The following LUZP2 variants were observed in gnomAD, a reference collection of about 807,000 sequenced individuals.
LUZP2 encodes the protein leucine zipper protein 2.
In LUZP2, 52 loss-of-function variants were observed where a neutral mutation model predicts 51.6. The ratio of observed to expected loss-of-function variants is 1.01; its 90% CI spans 0.81 to 1.27. The LOEUF (loss-of-function observed/expected upper bound fraction) is 1.27, where lower values mean the gene tolerates loss of function less well. Ranked by LOEUF, LUZP2 falls within the 50% of genes most tolerant of loss-of-function variation. The probability of loss-of-function intolerance (pLI) is 0.00; values close to 1 mark genes in which losing one functional copy is unlikely to be tolerated. For synonymous variants in LUZP2, 154 were observed against 137.3 expected (o/e 1.12, Z -0.85); for missense variants, 436 against 395.4 (o/e 1.10, Z -0.87).
intron 5 of LUZP2, among the ~76,000 whole-genome samples, chr11:24,876,924 G>A (rs981460883): frequency 1.3e-5 from 2 of 151,964 alleles, no homozygotes; most frequent in Admixed American, 6.6e-5. Flanking sequence ...AATGAGAAGG[G>A]GTCTGGTTCT....
At chr11:24,908,020 T>G (rs548248634) in intron 6 of LUZP2, among the ~76,000 whole-genome samples, 224 of 152,276 alleles carry the variant, frequency 1.5e-3, no homozygotes, top group African/African-American at 5.1e-3. Context: ...CAGGCATGTG[T>G]TTTTGTCTGT....
chr11:24,718,493 T>A (rs1240023688), intron 1 of LUZP2, among the ~76,000 whole-genome samples: 3 of 152,202 alleles, frequency 2.0e-5, no homozygotes, highest in Non-Finnish European at 2.9e-5. Flanking sequence ...CATCCATGAA[T>A]CTTATCTAGC....
chr11:25,069,644 A>G (rs570926686), intron 10 of LUZP2, among the ~76,000 whole-genome samples: 37 of 152,002 alleles, frequency 2.4e-4, no homozygotes, highest in African/African-American at 8.0e-4. Context: ...TAACAAAAGG[A>G]AAATAAAAAG....
At chr11:24,822,543 A>C (rs1445729283) in intron 5 of LUZP2, among the ~76,000 whole-genome samples, 1 of 152,032 alleles carries the variant, frequency 6.6e-6, no homozygotes, top group Non-Finnish European at 1.5e-5. Context: ...GTCATTACAC[A>C]TTTCCCCATT....
intron 9 of LUZP2, among the ~76,000 whole-genome samples, chr11:25,014,681 T>C (rs1300214500): frequency 2.6e-5 from 4 of 152,210 alleles, no homozygotes; most frequent in Admixed American, 2.6e-4. Context: ...TTGCAAAAAT[T>C]TTCTCCCATT....
At chr11:24,640,959 ATAGAT>A (rs1360533106) in intron 1 of LUZP2, among the ~76,000 whole-genome samples, 2 of 1,118 alleles carry the variant, frequency 1.8e-3, no homozygotes, top group Non-Finnish European at 4.2e-3. Context: ...CTATATCTGT[ATAGAT>A]ATAGATATAG....
intron 7 of LUZP2, among the ~76,000 whole-genome samples, chr11:24,974,066 A>G (rs964127888): frequency 6.6e-6 from 1 of 151,978 alleles, no homozygotes. Flanking sequence ...GTGTGGGAGT[A>G]TAAGTCTCTT....
chr11:24,798,891 G>C (rs1029754204), intron 5 of LUZP2, among the ~76,000 whole-genome samples: 4 of 152,120 alleles, frequency 2.6e-5, no homozygotes, highest in African/African-American at 9.7e-5. Flanking sequence ...ACCAGTGCAA[G>C]GAGTTCACCA....
chr11:24,743,551 C>G (rs1258987731), intron 4 of LUZP2, among the ~76,000 whole-genome samples: 1 of 152,046 alleles, frequency 6.6e-6, no homozygotes, highest in Non-Finnish European at 1.5e-5. Flanking sequence ...TATCCAGAAA[C>G]TTTACTGAAT....
chr11:24,734,923 C>T (rs1170911174), intron 3 of LUZP2, among the ~76,000 whole-genome samples: 1 of 151,876 alleles, frequency 6.6e-6, no homozygotes, highest in African/African-American at 2.4e-5. Flanking sequence ...CTGGCTTCAT[C>T]TGGACTAGTG....
chr11:24,628,455 A>G (rs185641497), intron 1 of LUZP2, among the ~76,000 whole-genome samples: 31 of 152,290 alleles, frequency 2.0e-4, no homozygotes, highest in African/African-American at 7.2e-4. Context: ...AATCCTTAAG[A>G]TGCTTTTTTT....
At chr11:24,873,540 A>T (rs374043831) in intron 5 of LUZP2, among the ~76,000 whole-genome samples, 1 of 152,104 alleles carries the variant, frequency 6.6e-6, no homozygotes, top group African/African-American at 2.4e-5. Flanking sequence ...TTCAGATATT[A>T]TTTGATTCAT....
intron 7 of LUZP2, among the ~76,000 whole-genome samples, chr11:24,957,485 C>G (rs1408284990): frequency 6.6e-6 from 1 of 151,992 alleles, no homozygotes; most frequent in Non-Finnish European, 1.5e-5. Context: ...GCTTTGTACC[C>G]TTTGACTTCA....
At chr11:25,047,630 A>T (rs1858354546) in intron 9 of LUZP2, among the ~76,000 whole-genome samples, 1 of 151,748 alleles carries the variant, frequency 6.6e-6, no homozygotes, top group Non-Finnish European at 1.5e-5. Flanking sequence ...TTACTATTCA[A>T]TCTCTTCCAT....
At chr11:24,533,256 G>A (rs191282722) in intron 1 of LUZP2, among the ~76,000 whole-genome samples, 1 of 151,334 alleles carries the variant, frequency 6.6e-6, no homozygotes, top group East Asian at 1.9e-4. Context: ...TCAATTCTGT[G>A]TGTGGGAAGT....
At chr11:24,806,082 A>G (rs1590562383) in intron 5 of LUZP2, among the ~76,000 whole-genome samples, 1 of 152,216 alleles carries the variant, frequency 6.6e-6, no homozygotes, top group African/African-American at 2.4e-5. Context: ...TACTTGTAAA[A>G]GTACATTATG....
At chr11:25,053,269 T>C (rs377694849) in intron 10 of LUZP2, among the ~76,000 whole-genome samples, 10 of 152,134 alleles carry the variant, frequency 6.6e-5, no homozygotes, top group African/African-American at 1.9e-4. Context: ...GAAAGAAAAC[T>C]AGAGTAGGAG....
intron 5 of LUZP2, among the ~76,000 whole-genome samples, chr11:24,866,688 C>G (rs1851908385): frequency 6.6e-6 from 1 of 152,112 alleles, no homozygotes. Flanking sequence ...ATTTGTCTGC[C>G]AACATAGTAG....
At chr11:24,753,485 G>C (rs1394189088) in intron 4 of LUZP2, among the ~76,000 whole-genome samples, 1 of 152,132 alleles carries the variant, frequency 6.6e-6, no homozygotes, top group African/African-American at 2.4e-5. Context: ...GGCAGGGAAA[G>C]ATTAGAGTCC....
Sources: allele counts gnomAD v4.1 joint callset (sites outside exome capture counted in the v4.1 genomes callset), GRCh38; gene constraint gnomAD v4.1.1; transcripts MANE v1.5; gene names NCBI Gene and HGNC (gene_info 2026-07-23, HGNC 2026-07-21).